Variants in PCDH11X observed in about 807,000 individuals in gnomAD.
The protein encoded by PCDH11X is protocadherin 11 X-linked.
A neutral mutation model predicts 53.3 loss-of-function variants in PCDH11X; 18 were observed. The observed-to-expected ratio is 0.34, with a 90% CI of 0.23 to 0.50. The LOEUF (loss-of-function observed/expected upper bound fraction) is 0.50. Among genes scored for constraint, PCDH11X ranks in the 20% least tolerant of loss-of-function variants. The pLI is 0.98. For missense variants in PCDH11X, 570 were observed against 1,032.4 expected, an observed-to-expected ratio of 0.55 and a Z score of 6.14; for synonymous variants, 279 against 393.3, an observed-to-expected ratio of 0.71 and a Z score of 3.44.
chrX:92,495,820 G>A (rs1415640375), intron 10 of PCDH11X, among the ~76,000 whole-genome samples: 1 of 106,306 alleles, frequency 9.4e-6, no homozygotes, highest in African/African-American at 3.7e-5. Flanking sequence ...ATCAGATCTC[G>A]TGAGACTTAC....
chrX:92,040,687 G>C, intron 6 of PCDH11X, among the ~76,000 whole-genome samples: 1 of 111,197 alleles, frequency 9.0e-6, no homozygotes. Context: ...CTTTTTGTGT[G>C]TGTGTAGTTA....
intron 8 of PCDH11X, among the ~76,000 whole-genome samples, chrX:92,312,402 A>T (rs1470402106): frequency 9.1e-6 from 1 of 110,168 alleles, no homozygotes; most frequent in Non-Finnish European, 1.9e-5. Context: ...AATTAAATAG[A>T]TTTATTTCGG....
intron 6 of PCDH11X, among the ~76,000 whole-genome samples, chrX:91,963,813 A>G (rs1473304803): frequency 9.0e-6 from 1 of 110,714 alleles, no homozygotes; most frequent in African/African-American, 3.3e-5. Context: ...ACTTACAATC[A>G]TGGCAGAAGT....
At chrX:92,500,223 A>T (rs1309118099) in intron 10 of PCDH11X, among the ~76,000 whole-genome samples, 1 of 111,690 alleles carries the variant, frequency 9.0e-6, no homozygotes, top group East Asian at 2.8e-4. Flanking sequence ...CTTTTAAAAG[A>T]TCATATTTCA....
chrX:92,104,010 G>T (rs986061205), intron 6 of PCDH11X, among the ~76,000 whole-genome samples: 3 of 111,455 alleles, frequency 2.7e-5, no homozygotes, highest in Admixed American at 9.5e-5. Flanking sequence ...CAGGGTTGCT[G>T]CCAAACAAGT....
intron 10 of PCDH11X, among the ~76,000 whole-genome samples, chrX:92,598,380 A>T (rs1360698369): frequency 9.0e-6 from 1 of 111,695 alleles, no homozygotes; most frequent in Non-Finnish European, 1.9e-5. Context: ...TAATCAAAAA[A>T]TGGACACAAA....
intron 6 of PCDH11X, among the ~76,000 whole-genome samples, chrX:91,942,564 T>C (rs1010391171): frequency 9.0e-6 from 1 of 110,663 alleles, no homozygotes; most frequent in African/African-American, 3.3e-5. Flanking sequence ...AATTCCTTGT[T>C]TAAAACCTTC....
At chrX:92,445,419 T>C (rs1346319554) in intron 9 of PCDH11X, among the ~76,000 whole-genome samples, 1 of 102,981 alleles carries the variant, frequency 9.7e-6, no homozygotes, top group Non-Finnish European at 2.0e-5. Context: ...GGAGATCTTA[T>C]ATTTTAAAAT....
At chrX:91,894,073 TATATC>T in intron 6 of PCDH11X, among the ~76,000 whole-genome samples, 1 of 112,228 alleles carries the variant, frequency 8.9e-6, no homozygotes. Flanking sequence ...TAGACAATCT[TATATC>T]AGGAGATTCT....
intron 9 of PCDH11X, among the ~76,000 whole-genome samples, chrX:92,389,603 A>G (rs1362426745): frequency 3.6e-5 from 4 of 111,314 alleles, no homozygotes; most frequent in Admixed American, 2.9e-4. Context: ...TAAAATTCCA[A>G]CTGAATGAGA....
chrX:91,810,448 A>G (rs1602265249), intron 2 of PCDH11X, 25 bp from the exon 3 acceptor site: 2 of 111,969 alleles, frequency 1.8e-5, no homozygotes, highest in African/African-American at 6.5e-5. Flanking sequence ...TTGAAAGCCA[A>G]CTGAAAGTGT....
intron 6 of PCDH11X, among the ~76,000 whole-genome samples, chrX:92,179,682 G>T (rs2065963147): frequency 8.9e-6 from 1 of 112,124 alleles, no homozygotes; most frequent in Admixed American, 9.4e-5. Context: ...TGTTAAAAAT[G>T]AATTCCATGC....
intron 6 of PCDH11X, among the ~76,000 whole-genome samples, chrX:92,132,291 A>G (rs1349147929): frequency 2.5e-5 from 1 of 40,583 alleles, no homozygotes; most frequent in African/African-American, 1.3e-4. Flanking sequence ...GTCTCAAAAA[A>G]AAAAAAAAAA....
chrX:92,232,933 T>C (rs1049974239), intron 7 of PCDH11X, among the ~76,000 whole-genome samples: 3 of 111,205 alleles, frequency 2.7e-5, no homozygotes, highest in Non-Finnish European at 3.8e-5. Context: ...GCCAGGATGG[T>C]CTCCATCTCC....
intron 7 of PCDH11X, among the ~76,000 whole-genome samples, chrX:92,239,611 G>A (rs188013634): frequency 1.8e-5 from 2 of 111,454 alleles, no homozygotes; most frequent in East Asian, 2.8e-4. Context: ...TTACTCTCTC[G>A]CCAGACAACT....
intron 7 of PCDH11X, among the ~76,000 whole-genome samples, chrX:92,250,835 G>A (rs1239056079): frequency 9.2e-6 from 1 of 108,917 alleles, no homozygotes; most frequent in East Asian, 2.9e-4. Context: ...TAAATTTGGG[G>A]GTTGAGAAAT....
chrX:91,949,475 T>C (rs1048303967), intron 6 of PCDH11X, among the ~76,000 whole-genome samples: 1 of 110,343 alleles, frequency 9.1e-6, no homozygotes, highest in Non-Finnish European at 1.9e-5. Context: ...CATTGTAAAA[T>C]AAAGACTAGT....
chrX:91,982,751 T>A (rs2062161631), intron 6 of PCDH11X: 1 of 758,964 alleles, frequency 1.3e-6, no homozygotes, highest in Admixed American at 2.2e-5. Context: ...TACCTGGCTT[T>A]AGGGTCTGAG....
chrX:92,228,710 G>T (rs1372035359), intron 7 of PCDH11X, among the ~76,000 whole-genome samples: 1 of 111,407 alleles, frequency 9.0e-6, no homozygotes, highest in Admixed American at 9.6e-5. Flanking sequence ...AGCCAATGCT[G>T]ACAGCCAAAG....
Sources: gnomAD v4.1 joint callset for allele counts (sites outside exome capture counted in the v4.1 genomes callset) on GRCh38, gnomAD v4.1.1 for gene constraint, MANE v1.5 for transcripts, NCBI Gene and HGNC (gene_info 2026-07-23, HGNC 2026-07-21) for gene names.